Variants in TMEM135 observed in about 807,000 individuals in gnomAD.
TMEM135 encodes peroxisomal membrane protein 52.
TMEM135 carries 30 observed loss-of-function variants against 60.3 expected under a neutral mutation model. The ratio of observed to expected loss-of-function variants is 0.50; its 90% CI spans 0.37 to 0.68. The LOEUF (loss-of-function observed/expected upper bound fraction) is 0.68. Ranked by LOEUF, TMEM135 falls within the 30% of genes least tolerant of loss-of-function variation. TMEM135 has a pLI of 0.00. For missense variants in TMEM135, 468 were observed against 548.8 expected, an observed-to-expected ratio of 0.85 and a Z score of 1.47; for synonymous variants, 190 against 186.7, an observed-to-expected ratio of 1.02 and a Z score of -0.14.
At chr11:87,296,333 C>T (rs1398952242) in intron 7 of TMEM135, among the ~76,000 whole-genome samples, 1 of 152,026 alleles carries the variant, frequency 6.6e-6, no homozygotes, top group Admixed American at 6.6e-5. Context: ...TATAGTTCAC[C>T]AAGAATTTTC....
At chr11:87,276,113 C>G (rs1435862384) in intron 6 of TMEM135, among the ~76,000 whole-genome samples, 1 of 152,178 alleles carries the variant, frequency 6.6e-6, no homozygotes, top group East Asian at 1.9e-4. Context: ...GTTACATATG[C>G]AAAGGAAAAT....
chr11:87,258,849 C>G (rs1941585346), intron 6 of TMEM135: 1 of 775,632 alleles, frequency 1.3e-6, no homozygotes, highest in Non-Finnish European at 2.3e-6. Context: ...CAGTAACAAT[C>G]TAGATCTTTC....
intron 6 of TMEM135, among the ~76,000 whole-genome samples, chr11:87,237,523 T>C (rs1941025347): frequency 6.6e-6 from 1 of 152,034 alleles, no homozygotes; most frequent in Non-Finnish European, 1.5e-5. Context: ...TTGGTAGATA[T>C]ATTTCTTTAA....
intron 5 of TMEM135, among the ~76,000 whole-genome samples, chr11:87,199,511 C>G (rs1180053768): frequency 6.6e-6 from 1 of 152,192 alleles, no homozygotes; most frequent in Non-Finnish European, 1.5e-5. Context: ...TCACTTGAGC[C>G]TACAGTGGTA....
intron 4 of TMEM135, among the ~76,000 whole-genome samples, chr11:87,118,086 T>C (rs1179120840): frequency 6.6e-6 from 1 of 151,896 alleles, no homozygotes; most frequent in Non-Finnish European, 1.5e-5. Context: ...AAGGAATTTT[T>C]TTTTTCTGAG....
intron 1 of TMEM135, among the ~76,000 whole-genome samples, chr11:87,055,402 C>T (rs1347772694): frequency 6.6e-6 from 1 of 152,168 alleles, no homozygotes; most frequent in Non-Finnish European, 1.5e-5. Context: ...CCTACAAACA[C>T]CTCGATTAAC....
intron 1 of TMEM135, among the ~76,000 whole-genome samples, chr11:87,050,463 TA>T (rs1392505527): frequency 1.4e-5 from 1 of 70,168 alleles, no homozygotes; most frequent in Non-Finnish European, 2.4e-5. Context: ...ATAGACACAA[TA>T]AAAAATGATA....
At chr11:87,213,712 C>G (rs1165688344) in intron 5 of TMEM135, among the ~76,000 whole-genome samples, 1 of 151,906 alleles carries the variant, frequency 6.6e-6, no homozygotes, top group Non-Finnish European at 1.5e-5. Flanking sequence ...TCTACTGAAT[C>G]TCCAGAATGG....
intron 5 of TMEM135, among the ~76,000 whole-genome samples, chr11:87,234,300 T>A (rs1442044998): frequency 6.6e-6 from 1 of 152,090 alleles, no homozygotes; most frequent in Non-Finnish European, 1.5e-5. Flanking sequence ...AAATATATTC[T>A]CTCACCTGGC....
chr11:87,053,242 G>C (rs549886397), intron 1 of TMEM135, among the ~76,000 whole-genome samples: 18 of 150,596 alleles, frequency 1.2e-4, no homozygotes, highest in Non-Finnish European at 1.9e-4. Context: ...GGTAACTCTT[G>C]TGAGTTATGA....
chr11:87,058,771 C>G (rs927772446), intron 1 of TMEM135, among the ~76,000 whole-genome samples: 1 of 151,538 alleles, frequency 6.6e-6, no homozygotes, highest in African/African-American at 2.4e-5. Context: ...AGGCGCCCAC[C>G]ACCATGCCCG....
chr11:87,056,712 C>T (rs1402687298), intron 1 of TMEM135, among the ~76,000 whole-genome samples: 2 of 152,118 alleles, frequency 1.3e-5, no homozygotes, highest in Non-Finnish European at 2.9e-5. Flanking sequence ...TCTGTGATTT[C>T]TTCTCTTTCT....
chr11:87,223,808 C>G (rs553094836), intron 5 of TMEM135, among the ~76,000 whole-genome samples: 35 of 151,718 alleles, frequency 2.3e-4, no homozygotes, highest in Non-Finnish European at 4.4e-4. Context: ...CGAGATCACA[C>G]CACTGCACTC....
intron 6 of TMEM135, among the ~76,000 whole-genome samples, chr11:87,272,629 T>C (rs1941891879): frequency 7.9e-6 from 1 of 127,250 alleles, no homozygotes; most frequent in African/African-American, 2.7e-5. Flanking sequence ...CCTGGCTAAC[T>C]TAAAAAATTT....
chr11:87,222,025 TA>T (rs1373556676), intron 5 of TMEM135, among the ~76,000 whole-genome samples: 2 of 150,400 alleles, frequency 1.3e-5, no homozygotes, highest in Non-Finnish European at 3.0e-5. Context: ...CTACTAAAAA[TA>T]CAAAAAAATT....
At chr11:87,219,425 T>G (rs1321428380) in intron 5 of TMEM135, among the ~76,000 whole-genome samples, 1 of 151,950 alleles carries the variant, frequency 6.6e-6, no homozygotes, top group Non-Finnish European at 1.5e-5. Context: ...GGTATTTCCT[T>G]ACATGGGCTT....
At chr11:87,285,774 T>C (rs184760603) in intron 6 of TMEM135, among the ~76,000 whole-genome samples, 4 of 152,196 alleles carry the variant, frequency 2.6e-5, no homozygotes, top group African/African-American at 4.8e-5. Flanking sequence ...CTTGCTTTTT[T>C]CCCCTTATCT....
At chr11:87,143,366 C>CTTT (rs1293942183) in intron 4 of TMEM135, among the ~76,000 whole-genome samples, 2 of 57,406 alleles carry the variant, frequency 3.5e-5, no homozygotes, top group South Asian at 7.3e-4. Context: ...TTCTTTCTTT[C>CTTT]TTTTTTTTTT....
intron 5 of TMEM135, among the ~76,000 whole-genome samples, chr11:87,187,909 C>A (rs987788601): frequency 1.3e-5 from 2 of 152,164 alleles, no homozygotes. Context: ...GCCAGTCTTT[C>A]AAAATTAAAT....
Sources: gnomAD v4.1 joint callset for allele counts (sites outside exome capture counted in the v4.1 genomes callset) on GRCh38, gnomAD v4.1.1 for gene constraint, MANE v1.5 for transcripts, NCBI Gene and HGNC (gene_info 2026-07-23, HGNC 2026-07-21) for gene names.